Variants in FN1 observed in about 807,000 individuals in gnomAD.
FN1 encodes the protein fibronectin.
FN1 carries 106 observed loss-of-function variants against 297.3 expected under a neutral mutation model. That is an observed-to-expected ratio of 0.36 (90% CI 0.30 to 0.42). The LOEUF (loss-of-function observed/expected upper bound fraction) is 0.42, where lower values mean the gene tolerates loss of function less well. Among genes scored for constraint, FN1 ranks in the 10% least tolerant of loss-of-function variants. The pLI is 1.00. For synonymous variants in FN1, 1,149 were observed against 1,152.6 expected (o/e 1.00, Z 0.06); for missense variants, 2,690 against 3,124.9 (o/e 0.86, Z 3.32).
At chr2:215,372,502 G>A in intron 39 of FN1, 127 bp from the exon 40 acceptor site, 1 of 746,144 alleles carries the variant, frequency 1.3e-6, no homozygotes, top group Non-Finnish European at 2.4e-6. Context: ...CAGAAAATGA[G>A]CAGTTCTGAG....
Position 215,404,468 on chromosome 2 carries a change from A to C in FN1, c.3174T>G (p.Pro1058=), listed in dbSNP as rs1575596847. 1.2e-6 allele frequency: 2 copies of C among 1,614,096 alleles called. No individual in the cohort carries two copies. Among genetic ancestry groups the C allele is most frequent in the Non-Finnish European group, 1.7e-6 (2 of 1,179,996 alleles). ...VSKYPLRNLQ[P]ASEYTVSLVA... Reference sequence around the variant, plus strand: ...CGAGGGATACGGTGTACTCAGATGCAGGCTGCAGATTCCTCAGTGGGTACT... The same window carrying C: ...CGAGGGATACGGTGTACTCAGATGCCGGCTGCAGATTCCTCAGTGGGTACT... Residue 1058 remains proline (P), a synonymous_variant, in exon 20 of 46, where the codon CCT becomes CCG. Coordinates refer to ENST00000354785, the MANE Select transcript of FN1 (RefSeq NM_212482.4).
intron 42 of FN1, 107 bp from the exon 43 acceptor site, chr2:215,365,737 G>C: frequency 1.0e-6 from 1 of 954,762 alleles, no homozygotes; most frequent in Non-Finnish European, 1.6e-6. Context: ...CCATGATCTG[G>C]AAAAATAGCA....
chr2:215,409,170 A>G (rs964401170), intron 15 of FN1, among the ~76,000 whole-genome samples: 1 of 152,146 alleles, frequency 6.6e-6, no homozygotes, highest in Non-Finnish European at 1.5e-5. Context: ...GATGGCACAC[A>G]CTTCAGTGCG....
At position 215,379,264 on chromosome 2, in the gene FN1, T is replaced by A. The variant is rs1417216623; in HGVS notation, c.5488A>T (p.Ser1830Cys). The A allele has an allele frequency of 6.2e-7, 1 of 1,614,102 alleles. No individual in the cohort carries two copies. Among genetic ancestry groups the A allele is most frequent in the Admixed American group, 1.7e-5 (1 of 60,014 alleles). ...ACATTGGGTGGTGTCCACTGGGCGC[T>A]CAGGCTTGTGGGTGTGACCTGAGTG... ...KFTQVTPTSL[S>C]AQWTPPNVQL... The change falls in exon 34 of 46, where the codon AGC becomes TGC. Residue 1830 changes from serine (S) to cysteine (C), a missense_variant. By Grantham distance (112) the Ser-to-Cys change is moderately radical. Coordinates refer to ENST00000354785, the MANE Select transcript of FN1 (RefSeq NM_212482.4).
intron 42 of FN1, among the ~76,000 whole-genome samples, chr2:215,366,336 A>G (rs963387587): frequency 6.6e-6 from 1 of 152,176 alleles, no homozygotes; most frequent in African/African-American, 2.4e-5. Flanking sequence ...ATGAAAAATC[A>G]CTTTTGGATT....
chr2:215,424,966 T>C (rs948399341), intron 7 of FN1, 128 bp downstream of exon 7: 9 of 858,614 alleles, frequency 1.0e-5, no homozygotes, highest in Non-Finnish European at 1.8e-5. Context: ...CCAACCCTAA[T>C]TGTTATCACA....
intron 12 of FN1, among the ~76,000 whole-genome samples, chr2:215,416,331 G>A (rs998616241): frequency 6.6e-6 from 1 of 152,078 alleles, no homozygotes; most frequent in Non-Finnish European, 1.5e-5. Context: ...TCATTTTAAA[G>A]TTGTATGTAT....
chr2:215,412,760 CTTTTTTTTTTT>C (rs10524797), intron 13 of FN1, among the ~76,000 whole-genome samples: 1 of 97,570 alleles, frequency 1.0e-5, no homozygotes, highest in Admixed American at 9.7e-5. Flanking sequence ...TATTAAGTAT[CTTTTTTTTTTT>C]TTTTTTTTTT....
Position 215,423,385 on chromosome 2 carries a change from T to C in FN1, c.1358A>G (p.Asp453Gly). The C allele has an allele frequency of 6.2e-7, 1 of 1,614,210 alleles. No individual in the cohort carries two copies. The highest frequency in any genetic ancestry group is 2.2e-5 in the East Asian group (1 of 44,890). Reference sequence around the variant, plus strand: ...GCAGAACCCAAACTTCTGGTCGGCATCATAGTTCTGTGTGGTCCCACACCA... The same window carrying C: ...GCAGAACCCAAACTTCTGGTCGGCACCATAGTTCTGTGTGGTCCCACACCA... ...MKWCGTTQNY[D>G]ADQKFGFCPM... Residue 453 changes from aspartate (D) to glycine (G), a missense_variant, in exon 9 of 46, where the codon GAT becomes GGT. Coordinates refer to ENST00000354785, the MANE Select transcript of FN1 (RefSeq NM_212482.4).
At chr2:215,408,989 A>G (rs534152245) in intron 15 of FN1, among the ~76,000 whole-genome samples, 8 of 152,054 alleles carry the variant, frequency 5.3e-5, no homozygotes, top group African/African-American at 1.9e-4. Context: ...AATTTTTGTA[A>G]TCGAATGCCA....
Position 215,433,152 on chromosome 2 carries a change from G to A in FN1, c.415+172C>T, listed in dbSNP as rs10202483. Among the ~76,000 whole-genome samples the A allele has an allele frequency of 0.22, 33,303 of 151,960 alleles. 3,944 individuals carry two copies. The highest frequency in any genetic ancestry group is 0.25 in the Non-Finnish European group (16,756 of 67,934). On this transcript the variant is annotated intron_variant, in intron 3 of 45. Coordinates refer to ENST00000354785, the MANE Select transcript of FN1 (RefSeq NM_212482.4). ...ACTGATTCCATCTGTGCTCATACCC[G>A]TCTTTAAGAAACACAGGAACCAGTT...
intron 3 of FN1, 34 bp from the exon 4 acceptor site, chr2:215,431,998 G>T: frequency 6.2e-7 from 1 of 1,609,608 alleles, no homozygotes; most frequent in Non-Finnish European, 8.5e-7. Context: ...TTAGGAGAGG[G>T]CAGAACAGAT....
In FN1 at chr2:215,393,018, GC is replaced by G. The variant is rs1419869934; in HGVS notation, c.3981del (p.Leu1328TrpfsTer25). 6.2e-7 allele frequency: 1 copy of G among 1,613,886 alleles called. No homozygotes were observed. Among genetic ancestry groups the G allele is most frequent in the African/African-American group, 1.3e-5 (1 of 74,912 alleles). On this transcript the variant is annotated frameshift_variant, in exon 25 of 46. Coordinates refer to ENST00000354785, the MANE Select transcript of FN1 (RefSeq NM_212482.4). LOFTEE classifies it high-confidence loss of function. ...DSSVGYYTVT[G>X]LEPGIDYDIS... is the part of the protein sequence containing the mutation. ...ATATCATAGTCAATGCCCGGCTCCA[GC>G]CCTGTGACTGTGTAGTATCCTACTG...
chr2:215,380,453 T>G, intron 33 of FN1: 1 of 281,002 alleles, frequency 3.6e-6, no homozygotes, highest in South Asian at 4.6e-5. Context: ...CGAGTTTGGG[T>G]TCCTTTTTAT....
At chr2:215,362,186 A>T (rs2053600035) in intron 44 of FN1, 107 bp from the exon 45 acceptor site, 1 of 767,398 alleles carries the variant, frequency 1.3e-6, no homozygotes, top group African/African-American at 1.7e-5. Context: ...CACTGGCAAA[A>T]TATAAGCAGT....
intron 8 of FN1, among the ~76,000 whole-genome samples, 162 bp from the exon 9 acceptor site, chr2:215,423,688 A>G (rs1319519464): frequency 6.6e-6 from 1 of 152,202 alleles, no homozygotes; most frequent in Non-Finnish European, 1.5e-5. Context: ...GCTTCTTAGC[A>G]TATTTACCTT....
At chr2:215,403,753 T>C (rs1267750699) in intron 20 of FN1, among the ~76,000 whole-genome samples, 2 of 152,220 alleles carry the variant, frequency 1.3e-5, no homozygotes, top group Non-Finnish European at 2.9e-5. Context: ...TTTTCTCCTC[T>C]GAGGAATTTC....
At chr2:215,388,508 A>G (rs1040497926) in intron 26 of FN1, among the ~76,000 whole-genome samples, 4 of 152,238 alleles carry the variant, frequency 2.6e-5, no homozygotes, top group African/African-American at 9.6e-5. Flanking sequence ...ACCTTGCCCC[A>G]TGGCCTCTCG....
In FN1 at chr2:215,379,170, A is replaced by T. The variant is rs766710031; in HGVS notation, c.5582T>A (p.Leu1861His). The T allele has an allele frequency of 1.9e-6, 3 of 1,614,028 alleles. No individual in the cohort carries two copies. The highest frequency in any genetic ancestry group is 3.3e-5 in the Admixed American group (2 of 59,998). Reference protein sequence around the residue: ...EKTGPMKEINLAPDSSSVVVS... With the variant: ...EKTGPMKEINHAPDSSSVVVS... ...AACCACGGATGAGCTGTCAGGAGCA[A>T]GGTTGATTTCTTTCATTGGTCCGGT... The change falls in exon 34 of 46, where the codon CTT (leucine) becomes CAT (histidine). Residue 1861 changes from leucine (L) to histidine (H), a missense_variant. This residue lies in a region of FN1 where 1,743 missense variants were observed against 1,945.2 expected (regional missense o/e 0.90). Transcript: ENST00000354785.
Sources: allele counts gnomAD v4.1 joint callset (sites outside exome capture counted in the v4.1 genomes callset), GRCh38; gene constraint gnomAD v4.1.1; regional missense constraint gnomAD v4.1.1; transcripts MANE v1.5; gene names NCBI Gene and HGNC (gene_info 2026-07-23, HGNC 2026-07-21).